Variants in HELLS observed in about 807,000 individuals in gnomAD.
HELLS encodes the protein lymphoid-specific helicase.
HELLS carries 32 observed loss-of-function variants against 120.0 expected under a neutral mutation model. That is an observed-to-expected ratio of 0.27 (90% CI 0.20 to 0.36). HELLS has a LOEUF of 0.36. Among genes scored for constraint, HELLS ranks in the 10% least tolerant of loss-of-function variants. The pLI is 1.00. For synonymous variants in HELLS, 341 were observed against 323.4 expected, an observed-to-expected ratio of 1.05 and a Z score of -0.58; for missense variants, 650 against 993.4, an observed-to-expected ratio of 0.65 and a Z score of 4.65.
chr10:94,565,452 G>A (rs992341832), intron 6 of HELLS, among the ~76,000 whole-genome samples: 1 of 152,224 alleles, frequency 6.6e-6, no homozygotes. Context: ...CGCTTTGGGA[G>A]GCCAAGGTGG....
rs930862578 is a variant in HELLS, at chr10:94,571,556, A to T, written c.477+127A>T. On this transcript the variant is annotated intron_variant, in intron 7 of 21. Transcript: ENST00000348459. ...TCCTGTTTCTTTGCTTTAAAAAAAA[A>T]TACCTATGTATTCACTTCTTCCATA... The T allele has an allele frequency of 1.9e-5, 13 of 686,246 alleles. No individual in the cohort carries two copies. In the African/African-American group the frequency reaches 2.2e-4, roughly 12 times the overall value. The allele number at this position is 686,246 out of a possible 1,614,324, so 42.5% of individuals were successfully genotyped here.
intron 6 of HELLS, among the ~76,000 whole-genome samples, chr10:94,567,703 T>A (rs1249244595): frequency 2.0e-5 from 3 of 152,092 alleles, no homozygotes; most frequent in African/African-American, 7.2e-5. Context: ...CCCAGGAGTT[T>A]AAGACTAGTT....
chr10:94,586,685 T>C (rs780847089), intron 12 of HELLS, among the ~76,000 whole-genome samples: 1 of 152,080 alleles, frequency 6.6e-6, no homozygotes, highest in Non-Finnish European at 1.5e-5. Flanking sequence ...TTGTTTATTA[T>C]TATTAGTAGT....
chr10:94,554,590 C>T (rs1465440434), intron 3 of HELLS, among the ~76,000 whole-genome samples: 1 of 150,468 alleles, frequency 6.6e-6, no homozygotes, highest in Non-Finnish European at 1.5e-5. Context: ...TGGTCTTCAT[C>T]ACCATTTCCT....
chr10:94,590,638 A>G lies in HELLS; in HGVS notation c.1629A>G (p.Arg543=), dbSNP rs1331104324. 1 of 1,607,990 alleles carries G rather than the reference A, an allele frequency of 6.2e-7. No homozygotes were observed. The highest frequency in any genetic ancestry group is 1.7e-5 in the Admixed American group (1 of 58,252). ...SQIQPEVDRE[R]AVVEVNIPVE... is the part of the protein sequence containing the mutation. Reference sequence around the variant, plus strand: ...ATATATGCATTATTTGTTTTGGTAGAGCTGTTGTGGAAGTGAATATCCCTG... The same window carrying G: ...ATATATGCATTATTTGTTTTGGTAGGGCTGTTGTGGAAGTGAATATCCCTG... Residue 543 remains arginine, a splice_region_variant and synonymous_variant, in exon 15 of 22, where the codon AGA becomes AGG. Coordinates refer to ENST00000348459, the MANE Select transcript of HELLS (RefSeq NM_018063.5).
chr10:94,590,326 A>T (rs1413300317), intron 13 of HELLS, 87 bp from the exon 14 acceptor site: 5 of 1,090,754 alleles, frequency 4.6e-6, no homozygotes, highest in Non-Finnish European at 6.6e-6. Flanking sequence ...GTCATTTTGT[A>T]CATAAAATAT....
At chr10:94,589,598 A>G (rs1187499693) in intron 13 of HELLS, among the ~76,000 whole-genome samples, 1 of 151,874 alleles carries the variant, frequency 6.6e-6, no homozygotes, top group African/African-American at 2.4e-5. Flanking sequence ...ATTGTACACT[A>G]TAAACCTACG....
At chr10:94,581,579 A>T (rs12220588) in intron 11 of HELLS, 57 bp downstream of exon 11, 9 of 1,281,696 alleles carry the variant, frequency 7.0e-6, no homozygotes, top group Non-Finnish European at 9.7e-6. Flanking sequence ...GTTAGTTAAA[A>T]TTACTTTCTT....
rs535482119 is a variant in HELLS, at chr10:94,560,752, AGAGT to A, written c.334-1938_334-1935del. On this transcript the variant is annotated intron_variant, in intron 4 of 21. Coordinates refer to ENST00000348459, the MANE Select transcript of HELLS (RefSeq NM_018063.5). ...TGGTAATACTGAGTCACTGAGAGAG[AGAGT>A]ATTAAAAAATAAAAATGGGCCAGGC... 1.4e-3 allele frequency among the ~76,000 whole-genome samples: 218 copies of A among 151,310 alleles called. 2 individuals are homozygous for A. The highest frequency in any genetic ancestry group is 4.9e-3 in the African/African-American group (202 of 41,248).
chr10:94,549,405 T>C (rs1360906201), intron 2 of HELLS, among the ~76,000 whole-genome samples: 2 of 152,210 alleles, frequency 1.3e-5, no homozygotes, highest in African/African-American at 4.8e-5. Flanking sequence ...ACTTTGACAT[T>C]CATTGGCTAC....
intron 19 of HELLS, among the ~76,000 whole-genome samples, chr10:94,596,424 C>T (rs7078811): frequency 0.45 from 68,321 of 151,896 alleles, 15,639 homozygotes; most frequent in East Asian, 0.72. Flanking sequence ...AGTCTTTTTT[C>T]TGTTTAGCTA....
At chr10:94,571,714 C>G (rs988886156) in intron 7 of HELLS, among the ~76,000 whole-genome samples, 1 of 152,168 alleles carries the variant, frequency 6.6e-6, no homozygotes, top group Non-Finnish European at 1.5e-5. Context: ...TACAAGTGCT[C>G]GTAACCATGT....
intron 9 of HELLS, among the ~76,000 whole-genome samples, chr10:94,608,675 G>A (rs945507676): frequency 4.6e-5 from 7 of 151,354 alleles, no homozygotes; most frequent in Non-Finnish European, 2.9e-5. Context: ...CATCCAGGCA[G>A]TAGCGTGATT....
At chr10:94,608,931 C>T (rs1846157927) in intron 9 of HELLS, among the ~76,000 whole-genome samples, 1 of 151,912 alleles carries the variant, frequency 6.6e-6, no homozygotes, top group African/African-American at 2.4e-5. Context: ...CTACCGCACC[C>T]AGCCCACAAT....
At chr10:94,605,104 C>CAG (rs1191519542), downstream of HELLS, among the ~76,000 whole-genome samples, 1 of 110,586 alleles carries the variant, frequency 9.0e-6, no homozygotes, top group Non-Finnish European at 1.7e-5. Context: ...TCCTTTAAGA[C>CAG]AGAGTTTCAC....
intron 12 of HELLS, chr10:94,584,108 C>T: frequency 7.3e-7 from 1 of 1,368,398 alleles, no homozygotes; most frequent in Non-Finnish European, 9.6e-7. Context: ...TTTACTCAAG[C>T]TTCATACCAA....
At chr10:94,581,106 A>G (rs189509735) in intron 10 of HELLS, among the ~76,000 whole-genome samples, 1 of 152,326 alleles carries the variant, frequency 6.6e-6, no homozygotes, top group African/African-American at 2.4e-5. Context: ...ACTTTATTGC[A>G]TATTTTAGTA....
Position 94,576,691 on chromosome 10 carries a change from G to C in HELLS, c.918G>C (p.Gln306His). 1 of 1,608,138 alleles carries C rather than the reference G, an allele frequency of 6.2e-7. No homozygotes were observed. Among genetic ancestry groups the C allele is most frequent in the Admixed American group, 1.7e-5 (1 of 59,902 alleles). ...DIPTMLYHGT[Q>H]EERQKLVRNI... ...CTACAATGTTATATCATGGAACCCA[G>C]GAGGAACGTCAAAAATTGGTAAGAA... Residue 306 changes from glutamine to histidine, a missense_variant, in exon 10 of 22, where the codon CAG (glutamine) becomes CAC (histidine). By Grantham distance (24) the Gln-to-His change is conservative. This residue lies in a region of HELLS where 61 missense variants were observed against 86.5 expected (regional missense o/e 0.71). Transcript: ENST00000348459.
At chr10:94,588,135 C>T (rs1845273577) in intron 12 of HELLS, 94 bp from the exon 13 acceptor site, 1 of 613,206 alleles carries the variant, frequency 1.6e-6, no homozygotes, top group Non-Finnish European at 2.6e-6. Flanking sequence ...TATAGGAAGT[C>T]AAAAGATAAG....
Sources: allele counts gnomAD v4.1 joint callset (sites outside exome capture counted in the v4.1 genomes callset), GRCh38; gene constraint gnomAD v4.1.1; regional missense constraint gnomAD v4.1.1; transcripts MANE v1.5; gene names NCBI Gene and HGNC (gene_info 2026-07-23, HGNC 2026-07-21).